The following CNTNAP2 variants were observed in gnomAD, a reference collection of about 807,000 sequenced individuals.
CNTNAP2 encodes the protein contactin associated protein 2.
In CNTNAP2, 98 loss-of-function variants were observed where a neutral mutation model predicts 155.2. That is an observed-to-expected ratio of 0.63 (90% CI 0.54 to 0.75). The LOEUF (loss-of-function observed/expected upper bound fraction) is 0.75. Among genes scored for constraint, CNTNAP2 ranks in the 30% least tolerant of loss-of-function variants. CNTNAP2 has a pLI of 0.00. For missense variants in CNTNAP2, 1,727 were observed against 1,688.1 expected (o/e 1.02, Z -0.40); for synonymous variants, 651 against 631.2 (o/e 1.03, Z -0.47).
intron 1 of CNTNAP2, among the ~76,000 whole-genome samples, chr7:146,360,368 T>A (rs1795065021): frequency 6.6e-6 from 1 of 152,226 alleles, no homozygotes; most frequent in Non-Finnish European, 1.5e-5. Context: ...TCATATTTAA[T>A]GAGCATCTAC....
intron 9 of CNTNAP2, among the ~76,000 whole-genome samples, chr7:147,319,104 G>T (rs1480540085): frequency 7.2e-5 from 11 of 151,986 alleles, no homozygotes; most frequent in African/African-American, 2.7e-4. Context: ...AAATTGTTGA[G>T]GTTTCTTCTT....
rs142432950 is a variant in CNTNAP2 at position 147,563,391 on chromosome 7, G to C, written c.1897+1134G>C. On this transcript the variant is annotated intron_variant, in intron 12 of 23. Coordinates refer to ENST00000361727, the MANE Select transcript of CNTNAP2 (RefSeq NM_014141.6). ...CACGCCTGTAATCCCAGCATCTTGG[G>C]AGACTGAGGTAGGTGGATCATGAGG... Among the ~76,000 whole-genome samples the C allele has an allele frequency of 4.1e-3, 620 of 152,204 alleles. 7 individuals are homozygous for C. Among genetic ancestry groups the C allele is most frequent in the African/African-American group, 0.014 (591 of 41,538 alleles).
chr7:146,379,521 C>T (rs955053224), intron 1 of CNTNAP2, among the ~76,000 whole-genome samples: 1 of 152,198 alleles, frequency 6.6e-6, no homozygotes, highest in Non-Finnish European at 1.5e-5. Flanking sequence ...ATGGCAACTT[C>T]TTCCCTATTC....
chr7:146,486,046 C>CTTTTTTTTT (rs71175651), intron 1 of CNTNAP2, among the ~76,000 whole-genome samples: 3 of 42,606 alleles, frequency 7.0e-5, no homozygotes, highest in African/African-American at 2.5e-4. Flanking sequence ...CCACAGCAGT[C>CTTTTTTTTT]TTTTTTTTTT....
At chr7:146,952,384 T>C (rs561528968) in intron 3 of CNTNAP2, among the ~76,000 whole-genome samples, 54 of 152,192 alleles carry the variant, frequency 3.5e-4, no homozygotes, top group African/African-American at 1.3e-3. Flanking sequence ...AAGTATGCCC[T>C]CTCTCACCAC....
At chr7:148,038,630 C>T (rs144242797) in intron 15 of CNTNAP2, among the ~76,000 whole-genome samples, 2,937 of 152,190 alleles carry the variant, frequency 0.019, 49 homozygotes, top group Non-Finnish European at 0.029. Context: ...TTTAGTCTAC[C>T]CCTCCACATG....
chr7:147,188,082 G>A (rs925112896), intron 8 of CNTNAP2, among the ~76,000 whole-genome samples: 2 of 151,988 alleles, frequency 1.3e-5, no homozygotes, highest in Non-Finnish European at 2.9e-5. Context: ...TAAATAAAAT[G>A]AGAGAAAAAA....
At chr7:146,364,438 A>G (rs2129101482) in intron 1 of CNTNAP2, among the ~76,000 whole-genome samples, 1 of 152,248 alleles carries the variant, frequency 6.6e-6, no homozygotes, top group Non-Finnish European at 1.5e-5. Context: ...TTTTCACTGT[A>G]CTTATCTATT....
intron 12 of CNTNAP2, among the ~76,000 whole-genome samples, chr7:147,575,323 G>A (rs111204058): frequency 0.071 from 1,291 of 18,270 alleles, 34 homozygotes; most frequent in African/African-American, 0.33. Flanking sequence ...ATATATATGT[G>A]TGTGTGTGTG....
At chr7:148,034,855 G>C (rs1453869109) in intron 15 of CNTNAP2, among the ~76,000 whole-genome samples, 1 of 152,196 alleles carries the variant, frequency 6.6e-6, no homozygotes, top group East Asian at 1.9e-4. Flanking sequence ...AATGTTGGTA[G>C]AAATATGGAC....
At chr7:146,701,497 A>G (rs1201515804) in intron 1 of CNTNAP2, among the ~76,000 whole-genome samples, 1 of 152,204 alleles carries the variant, frequency 6.6e-6, no homozygotes, top group Non-Finnish European at 1.5e-5. Flanking sequence ...TATTTTAAAA[A>G]TATATATTCT....
chr7:146,590,699 A>G (rs868340375), intron 1 of CNTNAP2, among the ~76,000 whole-genome samples: 1 of 152,120 alleles, frequency 6.6e-6, no homozygotes, highest in South Asian at 2.1e-4. Context: ...CCCCAAAGAC[A>G]AAGAGATTCT....
At position 147,671,650 on chromosome 7, in the gene CNTNAP2, G is replaced by A. The variant is rs199984071; in HGVS notation, c.2098+32344G>A. 8.5e-5 allele frequency: 13 copies of A among 152,146 alleles called. No homozygotes were observed. In the East Asian group the frequency reaches 1.3e-3, roughly 16 times the overall value. The allele number at this position is 152,146 out of a possible 1,614,324, so 9.4% of individuals were successfully genotyped here. ...ACAGCTAATAGCACATAGAGCATGC[G>A]TATTTGCTGTGACATGATAAAGCTC... On this transcript the variant is annotated intron_variant, in intron 13 of 23. Coordinates refer to ENST00000361727, the MANE Select transcript of CNTNAP2 (RefSeq NM_014141.6).
chr7:147,724,599 G>T (rs1159640613), intron 13 of CNTNAP2, among the ~76,000 whole-genome samples: 1 of 151,914 alleles, frequency 6.6e-6, no homozygotes, highest in African/African-American at 2.4e-5. Context: ...AAAAATACTT[G>T]TTCCCTGGAA....
chr7:147,977,233 T>C (rs1375599017), intron 14 of CNTNAP2, among the ~76,000 whole-genome samples: 1 of 152,008 alleles, frequency 6.6e-6, no homozygotes, highest in African/African-American at 2.4e-5. Context: ...ACAAGATAAA[T>C]ATAGAGTCAA....
intron 1 of CNTNAP2, among the ~76,000 whole-genome samples, chr7:146,593,629 A>G (rs992092154): frequency 6.6e-6 from 1 of 152,110 alleles, no homozygotes; most frequent in East Asian, 1.9e-4. Flanking sequence ...TGGATTGTGC[A>G]AAACAGTCAC....
intron 3 of CNTNAP2, among the ~76,000 whole-genome samples, chr7:146,958,290 T>A (rs1797477661): frequency 6.6e-6 from 1 of 152,164 alleles, no homozygotes; most frequent in East Asian, 1.9e-4. Flanking sequence ...AATAGCATGT[T>A]TGAGAACATA....
chr7:146,650,875 G>C (rs1799899179), intron 1 of CNTNAP2, among the ~76,000 whole-genome samples: 1 of 152,096 alleles, frequency 6.6e-6, no homozygotes, highest in African/African-American at 2.4e-5. Context: ...TTAGAAAACA[G>C]CCAGATGGAC....
intron 8 of CNTNAP2, among the ~76,000 whole-genome samples, chr7:147,251,366 C>T (rs1056027053): frequency 5.9e-5 from 9 of 152,092 alleles, no homozygotes; most frequent in African/African-American, 2.2e-4. Context: ...GTTTGTTAAC[C>T]CTTTTTTCCT....
Sources: allele counts gnomAD v4.1 joint callset (sites outside exome capture counted in the v4.1 genomes callset), GRCh38; gene constraint gnomAD v4.1.1; transcripts MANE v1.5; gene names NCBI Gene and HGNC (gene_info 2026-07-23, HGNC 2026-07-21).